Variants in PCGF5 observed in about 807,000 individuals in gnomAD.
PCGF5 encodes the protein polycomb group RING finger protein 5.
A neutral mutation model predicts 44.3 loss-of-function variants in PCGF5; 9 were observed. The ratio of observed to expected loss-of-function variants is 0.20; its 90% confidence interval spans 0.12 to 0.35. PCGF5 has a LOEUF of 0.35. PCGF5 is among the 10% of genes least tolerant of loss of function. PCGF5 has a pLI of 1.00. For synonymous variants in PCGF5, 95 were observed against 102.5 expected (o/e 0.93, Z 0.44); for missense variants, 146 against 305.3 (o/e 0.48, Z 3.89).
At chr10:91,162,306 GGGGGT>G (rs1464628775), upstream of PCGF5, among the ~76,000 whole-genome samples, 5 of 150,388 alleles carry the variant, frequency 3.3e-5, no homozygotes, top group Admixed American at 1.3e-4. Flanking sequence ...GTGGGGTGGC[GGGGGT>G]GGGGTGGGGT....
At chr10:91,235,196 T>G (rs1185417801) in intron 2 of PCGF5, among the ~76,000 whole-genome samples, 1 of 152,110 alleles carries the variant, frequency 6.6e-6, no homozygotes, top group Non-Finnish European at 1.5e-5. Flanking sequence ...CTCCTAGATA[T>G]TCTGAATTAA....
At chr10:91,224,450 T>C (rs543228846) in intron 2 of PCGF5, among the ~76,000 whole-genome samples, 3 of 152,258 alleles carry the variant, frequency 2.0e-5, no homozygotes, top group Non-Finnish European at 4.4e-5. Context: ...CACAAGATAA[T>C]AAAGAAGTCT....
upstream of PCGF5, among the ~76,000 whole-genome samples, chr10:91,219,942 C>T (rs1844623014): frequency 6.6e-6 from 1 of 152,142 alleles, no homozygotes; most frequent in Non-Finnish European, 1.5e-5. Flanking sequence ...TTTGCATTGA[C>T]AGTCTCCCCT....
chr10:91,237,755 AAT>A (rs1554848377), intron 2 of PCGF5, among the ~76,000 whole-genome samples: 1 of 152,016 alleles, frequency 6.6e-6, no homozygotes, highest in Non-Finnish European at 1.5e-5. Context: ...AAAAAAAAAA[AAT>A]TGCATCAGAA....
chr10:91,223,035 G>C (rs551782675), intron 2 of PCGF5, 52 bp downstream of exon 2: 1 of 1,217,854 alleles, frequency 8.2e-7, no homozygotes, highest in Admixed American at 1.9e-5. Flanking sequence ...TGTACATTTT[G>C]TTCTTTTAAA....
chr10:91,205,290 GAC>G (rs55858066), intron 1 of PCGF5, among the ~76,000 whole-genome samples: 9 of 149,294 alleles, frequency 6.0e-5, no homozygotes, highest in Admixed American at 6.7e-5. Flanking sequence ...TAAATGACTG[GAC>G]ACACACACAC....
chr10:91,210,399 C>G (rs541794048), intron 1 of PCGF5, among the ~76,000 whole-genome samples: 15 of 152,210 alleles, frequency 9.9e-5, no homozygotes, highest in Non-Finnish European at 2.2e-4. Context: ...CTCATTACTT[C>G]TAAATGCTAA....
intron 1 of PCGF5, among the ~76,000 whole-genome samples, chr10:91,187,530 C>G (rs1424241749): frequency 6.6e-6 from 1 of 151,522 alleles, no homozygotes; most frequent in African/African-American, 2.4e-5. Context: ...TTAAAAAAAA[C>G]AAAAACAAAA....
chr10:91,259,327 C>A (rs1391727282), intron 6 of PCGF5, among the ~76,000 whole-genome samples: 1 of 152,180 alleles, frequency 6.6e-6, no homozygotes, highest in Non-Finnish European at 1.5e-5. Flanking sequence ...CAGCCTCTCT[C>A]TGTTGAACCC....
chr10:91,231,422 A>G (rs1047910052), intron 2 of PCGF5, among the ~76,000 whole-genome samples: 7 of 152,244 alleles, frequency 4.6e-5, no homozygotes, highest in African/African-American at 1.7e-4. Context: ...GATAGGCCTC[A>G]TTAAGAGTGA....
intron 1 of PCGF5, among the ~76,000 whole-genome samples, chr10:91,179,966 A>G (rs1248869796): frequency 2.0e-5 from 3 of 152,090 alleles, no homozygotes; most frequent in Non-Finnish European, 4.4e-5. Flanking sequence ...ACCCCTACCA[A>G]TAATATATAA....
At chr10:91,211,681 T>C (rs1844454483) in intron 1 of PCGF5, among the ~76,000 whole-genome samples, 2 of 152,084 alleles carry the variant, frequency 1.3e-5, no homozygotes, top group Admixed American at 1.3e-4. Flanking sequence ...TGCAACTGAA[T>C]AGTGAAGAAG....
chr10:91,200,425 G>T (rs1249272485), intron 1 of PCGF5, among the ~76,000 whole-genome samples: 1 of 152,184 alleles, frequency 6.6e-6, no homozygotes, highest in Non-Finnish European at 1.5e-5. Context: ...AGGGGATGTA[G>T]CCCCTTTCTG....
chr10:91,222,829 C>A lies in PCGF5; in HGVS notation c.-43C>A, dbSNP rs778933285. 8.3e-7 allele frequency: 1 copy of A among 1,203,776 alleles called. No homozygotes were observed. Among genetic ancestry groups the A allele is most frequent in the South Asian group, 1.2e-5 (1 of 82,084 alleles). 74.6% of individuals were successfully genotyped at this position (1,203,776 alleles called of 1,614,324 possible). ...ATCAGACTTTCATCTACTTAGGACC[C>A]CTCTTTGCCCAGACTACTAAAGCCA... On this transcript the variant is annotated 5_prime_UTR_variant, in exon 2 of 10. Transcript: ENST00000336126.
chr10:91,246,795 G>A (rs781222263), intron 3 of PCGF5, among the ~76,000 whole-genome samples: 3 of 152,002 alleles, frequency 2.0e-5, no homozygotes, highest in Non-Finnish European at 4.4e-5. Context: ...TAAAAAAAGC[G>A]AGACAATGAC....
intron 2 of PCGF5, chr10:91,227,801 A>G (rs1844889432): frequency 1.0e-6 from 1 of 989,418 alleles, no homozygotes; most frequent in Admixed American, 5.9e-5. Flanking sequence ...TACTTGGTTC[A>G]ACTGTTTGCT....
At chr10:91,250,884 T>A (rs1845607336) in intron 5 of PCGF5, among the ~76,000 whole-genome samples, 1 of 148,376 alleles carries the variant, frequency 6.7e-6, no homozygotes, top group Non-Finnish European at 1.5e-5. Context: ...AGTATTTGGT[T>A]TTAATTTGAA....
At chr10:91,231,940 A>G (rs1254850605) in intron 2 of PCGF5, among the ~76,000 whole-genome samples, 1 of 152,244 alleles carries the variant, frequency 6.6e-6, no homozygotes, top group Non-Finnish European at 1.5e-5. Flanking sequence ...AATGTAAGTT[A>G]TAACATATTC....
Position 91,248,756 on chromosome 10 carries a change from A to G in PCGF5, c.325+32A>G, listed in dbSNP as rs771539229. 1.2e-5 allele frequency: 19 copies of G among 1,540,222 alleles called. No individual in the cohort carries two copies. The African/African-American group carries it at 1.9e-4, about 16-fold the overall frequency. On this transcript the variant is annotated intron_variant, in intron 5 of 9. Coordinates refer to ENST00000336126, the MANE Select transcript of PCGF5 (RefSeq NM_032373.5). ...TTTTCTTATGTCTGTTTCTGACAGCACCTCTTAAACTGGTCAGCTTTTCAT... is the reference window on the plus strand; with the variant it reads ...TTTTCTTATGTCTGTTTCTGACAGCGCCTCTTAAACTGGTCAGCTTTTCAT...
Sources: allele counts gnomAD v4.1 joint callset (sites outside exome capture counted in the v4.1 genomes callset), GRCh38; gene constraint gnomAD v4.1.1; transcripts MANE v1.5; gene names NCBI Gene and HGNC (gene_info 2026-07-23, HGNC 2026-07-21).